The following PTPRK variants were observed in gnomAD, a reference collection of about 807,000 sequenced individuals.
PTPRK encodes the protein receptor-type tyrosine-protein phosphatase kappa.
PTPRK carries 75 observed loss-of-function variants against 178.0 expected under a neutral mutation model. That is an observed-to-expected ratio of 0.42 (90% CI 0.35 to 0.51). The LOEUF is 0.51. Ranked by LOEUF, PTPRK falls within the 20% of genes least tolerant of loss-of-function variation. The pLI is 0.02. For missense variants in PTPRK, 1,441 were observed against 1,797.8 expected, an observed-to-expected ratio of 0.80 and a Z score of 3.59; for synonymous variants, 637 against 620.6, an observed-to-expected ratio of 1.03 and a Z score of -0.39.
intron 3 of PTPRK, among the ~76,000 whole-genome samples, chr6:128,277,664 G>A (rs1030100853): frequency 2.0e-5 from 3 of 152,146 alleles, no homozygotes; most frequent in Admixed American, 6.5e-5. Flanking sequence ...GGGAAAGGAC[G>A]CATATTAATT....
intron 1 of PTPRK, among the ~76,000 whole-genome samples, chr6:128,445,925 T>C (rs1307115795): frequency 6.6e-6 from 1 of 152,168 alleles, no homozygotes; most frequent in Non-Finnish European, 1.5e-5. Flanking sequence ...ATTCCAAGTA[T>C]ATAGACCTAA....
chr6:128,068,835 G>A (rs539270240), intron 11 of PTPRK, among the ~76,000 whole-genome samples: 32 of 151,862 alleles, frequency 2.1e-4, no homozygotes, highest in African/African-American at 7.7e-4. Flanking sequence ...AACATAAATT[G>A]TATGCAGGGC....
intron 3 of PTPRK, among the ~76,000 whole-genome samples, chr6:128,250,601 G>T (rs1338240687): frequency 2.0e-5 from 3 of 152,148 alleles, no homozygotes; most frequent in East Asian, 3.8e-4. Context: ...ATAATACAAT[G>T]ACACTTGTTT....
At chr6:128,393,212 T>G (rs1478999411) in intron 2 of PTPRK, among the ~76,000 whole-genome samples, 1 of 150,892 alleles carries the variant, frequency 6.6e-6, no homozygotes, top group Admixed American at 6.6e-5. Flanking sequence ...TTCCTCAGCC[T>G]CCTGAGTAGC....
At chr6:128,204,434 A>G (rs1309021507) in intron 6 of PTPRK, among the ~76,000 whole-genome samples, 3 of 152,192 alleles carry the variant, frequency 2.0e-5, no homozygotes, top group African/African-American at 7.2e-5. Flanking sequence ...GGATCTAACG[A>G]AAGAACTTCT....
At chr6:128,435,110 C>A (rs9402040) in intron 1 of PTPRK, among the ~76,000 whole-genome samples, 998 of 58,356 alleles carry the variant, frequency 0.017, 13 homozygotes, top group South Asian at 0.029. Context: ...GGAAGGAAGG[C>A]AGGAAGGCAG....
intron 7 of PTPRK, among the ~76,000 whole-genome samples, chr6:128,135,142 C>T (rs1223682731): frequency 2.0e-5 from 3 of 151,582 alleles, no homozygotes; most frequent in Admixed American, 2.0e-4. Flanking sequence ...TTCTATTTCT[C>T]TGGAGGACCC....
intron 3 of PTPRK, among the ~76,000 whole-genome samples, chr6:128,296,034 A>G (rs1224251233): frequency 6.6e-6 from 1 of 151,944 alleles, no homozygotes; most frequent in African/African-American, 2.4e-5. Context: ...GCTTCCAATG[A>G]CTCTCCATGG....
In PTPRK at chr6:128,468,222, G is replaced by C. The variant is rs146161638; in HGVS notation, c.100+52037C>G. On this transcript the variant is annotated intron_variant, in intron 1 of 29. Coordinates refer to ENST00000368226, the MANE Select transcript of PTPRK (RefSeq NM_002844.4). Reference sequence around the variant, plus strand: ...GAGGGCAACACTTTAACTGCTGATTGAGCCACCAGTACAAACGAATTTGGG... The same window carrying C: ...GAGGGCAACACTTTAACTGCTGATTCAGCCACCAGTACAAACGAATTTGGG... Among the ~76,000 whole-genome samples the C allele has an allele frequency of 1.3e-5, 2 of 152,124 alleles. 1 individual carries two copies. The highest frequency in any genetic ancestry group is 4.1e-4 in the South Asian group (2 of 4,830).
At chr6:128,310,906 G>A (rs938279595) in intron 3 of PTPRK, among the ~76,000 whole-genome samples, 1 of 152,054 alleles carries the variant, frequency 6.6e-6, no homozygotes, top group African/African-American at 2.4e-5. Context: ...GCAAATAAAG[G>A]ATTAGAACAC....
At chr6:128,201,777 ACTT>A (rs1207083111) in intron 6 of PTPRK, among the ~76,000 whole-genome samples, 7 of 152,090 alleles carry the variant, frequency 4.6e-5, no homozygotes, top group Non-Finnish European at 1.0e-4. Context: ...CTATCATGCT[ACTT>A]GTTAGGGCAG....
At chr6:128,309,633 T>G (rs1245822757) in intron 3 of PTPRK, among the ~76,000 whole-genome samples, 1 of 152,154 alleles carries the variant, frequency 6.6e-6, no homozygotes, top group Admixed American at 6.6e-5. Flanking sequence ...CTCTTTGTTT[T>G]ATATTATGGA....
At position 127,980,436 on chromosome 6, in the gene PTPRK, G is replaced by A. The variant is rs1213019978; in HGVS notation, c.3711+680C>T. ...GAACCTGGGAGGCGGAGGTTGCAGTGAGCTGAGATCATGCCACTGCACTCC... is the reference window on the plus strand; with the variant it reads ...GAACCTGGGAGGCGGAGGTTGCAGTAAGCTGAGATCATGCCACTGCACTCC... On this transcript the variant is annotated intron_variant, in intron 25 of 29. Coordinates refer to ENST00000368226, the MANE Select transcript of PTPRK (RefSeq NM_002844.4). Among the ~76,000 whole-genome samples, 6 of 152,024 alleles carry A rather than the reference G, an allele frequency of 3.9e-5. No homozygotes were observed. The East Asian group carries it at 9.7e-4, about 25-fold the overall frequency.
At chr6:127,974,090 C>T (rs72975919) in intron 27 of PTPRK, among the ~76,000 whole-genome samples, 146 of 152,286 alleles carry the variant, frequency 9.6e-4, no homozygotes, top group Non-Finnish European at 1.8e-3. Context: ...AAATAACTTT[C>T]AGATTCATTG....
intron 6 of PTPRK, among the ~76,000 whole-genome samples, chr6:128,194,143 T>C (rs984624540): frequency 3.3e-5 from 5 of 150,600 alleles, no homozygotes; most frequent in African/African-American, 4.9e-5. Flanking sequence ...TAGCGTGCAG[T>C]GGCATGATCT....
intron 22 of PTPRK, among the ~76,000 whole-genome samples, chr6:127,984,091 T>A (rs997414856): frequency 3.3e-5 from 5 of 152,206 alleles, no homozygotes; most frequent in South Asian, 2.1e-4. Context: ...AAAATACTTT[T>A]AAAAAATTAT....
chr6:128,209,477 G>T (rs891891780), intron 6 of PTPRK, among the ~76,000 whole-genome samples: 2 of 152,094 alleles, frequency 1.3e-5, no homozygotes, highest in Non-Finnish European at 2.9e-5. Context: ...CCCATCAAGA[G>T]TCCGATGGAA....
intron 7 of PTPRK, among the ~76,000 whole-genome samples, chr6:128,106,718 C>T (rs1487001417): frequency 6.6e-6 from 1 of 152,084 alleles, no homozygotes; most frequent in Non-Finnish European, 1.5e-5. Context: ...AACATTAGTA[C>T]TGAATATTTC....
At chr6:128,511,280 T>C (rs17364090) in intron 1 of PTPRK, among the ~76,000 whole-genome samples, 23,298 of 152,112 alleles carry the variant, frequency 0.15, 1,967 homozygotes, top group Non-Finnish European at 0.18. Context: ...AATCTGATCC[T>C]ACTGTCTCTT....
Sources: gnomAD v4.1 joint callset for allele counts (sites outside exome capture counted in the v4.1 genomes callset) on GRCh38, gnomAD v4.1.1 for gene constraint, MANE v1.5 for transcripts, NCBI Gene and HGNC (gene_info 2026-07-23, HGNC 2026-07-21) for gene names.